FAM3C: variants seen among roughly 807,000 people sequenced by gnomAD.
FAM3C encodes FAM3 metabolism regulating signaling molecule C, also known as protein FAM3C.
In FAM3C, 15 loss-of-function variants were observed where a neutral mutation model predicts 32.5. The observed-to-expected ratio is 0.46, with a 90% confidence interval of 0.31 to 0.71. FAM3C has a LOEUF of 0.71. Ranked by LOEUF, FAM3C falls within the 30% of genes least tolerant of loss-of-function variation. The pLI is 0.05. For missense variants in FAM3C, 175 were observed against 274.4 expected, an observed-to-expected ratio of 0.64 and a Z score of 2.56; for synonymous variants, 75 against 86.1, an observed-to-expected ratio of 0.87 and a Z score of 0.72.
intron 7 of FAM3C, among the ~76,000 whole-genome samples, chr7:121,360,650 T>C (rs994082249): frequency 6.6e-6 from 1 of 151,978 alleles, no homozygotes; most frequent in Non-Finnish European, 1.5e-5. Flanking sequence ...CTGGGCAATA[T>C]AGTGAGACCT....
intron 7 of FAM3C, among the ~76,000 whole-genome samples, chr7:121,362,396 G>T (rs1793943077): frequency 6.6e-6 from 1 of 152,096 alleles, no homozygotes; most frequent in South Asian, 2.1e-4. Context: ...GGGTAGAACT[G>T]TGATGAATAA....
At chr7:121,388,535 T>C (rs1427227589) in intron 1 of FAM3C, among the ~76,000 whole-genome samples, 2 of 152,102 alleles carry the variant, frequency 1.3e-5, no homozygotes, top group African/African-American at 2.4e-5. Flanking sequence ...TTCTGCAAAG[T>C]GTCCCCCAAA....
chr7:121,355,595 G>A (rs933758530), intron 8 of FAM3C, among the ~76,000 whole-genome samples: 1 of 152,138 alleles, frequency 6.6e-6, no homozygotes, highest in African/African-American at 2.4e-5. Flanking sequence ...AGGTTTTCAG[G>A]CAGTAGATCA....
intron 5 of FAM3C, among the ~76,000 whole-genome samples, chr7:121,365,672 T>C (rs2707477): frequency 0.26 from 38,882 of 151,984 alleles, 5,963 homozygotes; most frequent in African/African-American, 0.44. Flanking sequence ...TATTAATAAT[T>C]ATAATAAATG....
intron 2 of FAM3C, 135 bp from the exon 3 acceptor site, chr7:121,379,149 TGA>T (rs976272821): frequency 5.4e-6 from 3 of 552,548 alleles, no homozygotes; most frequent in African/African-American, 4.1e-5. Flanking sequence ...TAATTTTACA[TGA>T]GATACATAAA....
chr7:121,357,189 C>G (rs542647692), intron 8 of FAM3C, among the ~76,000 whole-genome samples: 2 of 152,234 alleles, frequency 1.3e-5, no homozygotes, highest in East Asian at 3.9e-4. Flanking sequence ...GCAGGCTCAT[C>G]ATGATTAAGA....
rs145426430 is a variant in FAM3C, at chr7:121,389,751, C to G, written c.-42+6411G>C. Among the ~76,000 whole-genome samples, 1,108 of 149,152 alleles carry G rather than the reference C, an allele frequency of 7.4e-3. 11 individuals are homozygous for G. The highest frequency in any genetic ancestry group is 9.4e-3 in the Non-Finnish European group (634 of 67,554). On this transcript the variant is annotated intron_variant, in intron 1 of 9. Coordinates refer to ENST00000359943, the MANE Select transcript of FAM3C (RefSeq NM_014888.3). ...TTAATGAGGGCTGTGGACTCTCTAACAGGAAAGTGGCAAAAAAAAAAAAAG... is the reference window on the plus strand; with the variant it reads ...TTAATGAGGGCTGTGGACTCTCTAAGAGGAAAGTGGCAAAAAAAAAAAAAG...
rs1402209445 is a variant in FAM3C at position 121,351,258 on chromosome 7, T to G, written c.479A>C (p.Glu160Ala). ...CAAATCAGCAATGAGCCGCCGTGCC[T>G]CATCATTGAGTCTTGAAGAGGGAGA... Reference protein sequence around the residue: ...YDDGATKLNDEARRLIADLGS... With the variant: ...YDDGATKLNDAARRLIADLGS... The change falls in exon 9 of 10, where the codon GAG becomes GCG. Residue 160 changes from glutamate (E) to alanine (A), a missense_variant. Coordinates refer to ENST00000359943, the MANE Select transcript of FAM3C (RefSeq NM_014888.3). The G allele has an allele frequency of 5.0e-6, 8 of 1,613,294 alleles. No individual in the cohort carries two copies. The highest frequency in any genetic ancestry group is 6.8e-6 in the Non-Finnish European group (8 of 1,179,628).
intron 1 of FAM3C, among the ~76,000 whole-genome samples, chr7:121,395,797 AC>A (rs1482821041): frequency 6.6e-6 from 1 of 152,028 alleles, no homozygotes; most frequent in Non-Finnish European, 1.5e-5. Context: ...CTCAGCCTAC[AC>A]GCTGCAGGGG....
chr7:121,388,776 ATAGAAT>A (rs1470275226), intron 1 of FAM3C, among the ~76,000 whole-genome samples: 2 of 152,144 alleles, frequency 1.3e-5, no homozygotes, highest in African/African-American at 4.8e-5. Context: ...AGAAACAGAA[ATAGAAT>A]TAGAAGTATA....
intron 1 of FAM3C, among the ~76,000 whole-genome samples, chr7:121,394,293 G>A (rs1345018299): frequency 6.6e-6 from 1 of 151,964 alleles, no homozygotes; most frequent in Non-Finnish European, 1.5e-5. Flanking sequence ...TTAGCCTTTT[G>A]GCTGTCTTTT....
chr7:121,389,860 T>C (rs1169841803), intron 1 of FAM3C, among the ~76,000 whole-genome samples: 10 of 151,992 alleles, frequency 6.6e-5, no homozygotes, highest in African/African-American at 1.4e-4. Flanking sequence ...ACAAGGAGGA[T>C]AGAAATCAGA....
At chr7:121,351,026 T>A (rs1020990226) in intron 9 of FAM3C, 117 bp downstream of exon 9, 1 of 925,896 alleles carries the variant, frequency 1.1e-6, no homozygotes, top group Admixed American at 2.5e-5. Context: ...TTATGACAAA[T>A]ATATGATCAT....
At chr7:121,357,345 G>T (rs549037634) in intron 8 of FAM3C, among the ~76,000 whole-genome samples, 1 of 152,218 alleles carries the variant, frequency 6.6e-6, no homozygotes, top group African/African-American at 2.4e-5. Flanking sequence ...AGTATAAGTG[G>T]AAGAAAACGA....
intron 5 of FAM3C, among the ~76,000 whole-genome samples, chr7:121,370,541 A>T (rs1397493204): frequency 6.6e-6 from 1 of 152,222 alleles, no homozygotes; most frequent in African/African-American, 2.4e-5. Flanking sequence ...ATAGCATATT[A>T]AAAGCAACCA....
intron 7 of FAM3C, among the ~76,000 whole-genome samples, chr7:121,361,074 A>T (rs1793910684): frequency 6.6e-6 from 1 of 152,226 alleles, no homozygotes; most frequent in Non-Finnish European, 1.5e-5. Context: ...ATTGTAGCAA[A>T]TATTACAGTC....
rs182728289 is a variant in FAM3C at position 121,357,677 on chromosome 7, A to C, written c.467+2366T>G. ...TCAATTCATTTAAATTCACAGATGA[A>C]TCATATATTGACCAAGTGACCAAAC... On this transcript the variant is annotated intron_variant, in intron 8 of 9. Transcript: ENST00000359943. Among the ~76,000 whole-genome samples, 802 of 152,272 alleles carry C rather than the reference A, an allele frequency of 5.3e-3. 18 individuals are homozygous for C. The highest frequency in any genetic ancestry group is 1.7e-3 in the Non-Finnish European group (116 of 68,012).
chr7:121,350,345 T>A lies in FAM3C; in HGVS notation c.*116A>T. On this transcript the variant is annotated 3_prime_UTR_variant, in exon 10 of 10. Coordinates refer to ENST00000359943, the MANE Select transcript of FAM3C (RefSeq NM_014888.3). ...ATCCTGATATCAAAAGAGACAATAC[T>A]CATGCACACACCAAGATGGCTGCAT... is the stretch of plus-strand genomic sequence containing the variant. The A allele has an allele frequency of 9.1e-7, 1 of 1,098,956 alleles. No homozygotes were observed. The highest frequency in any genetic ancestry group is 1.4e-6 in the Non-Finnish European group (1 of 731,414). The allele number at this position is 1,098,956 out of a possible 1,614,324, so 68.1% of individuals were successfully genotyped here. A position where few individuals can be genotyped will look rare whatever the true frequency, so the allele number is the denominator to read the frequency against.
chr7:121,353,529 T>C (rs529226279), intron 8 of FAM3C, among the ~76,000 whole-genome samples: 1 of 152,202 alleles, frequency 6.6e-6, no homozygotes, highest in Non-Finnish European at 1.5e-5. Context: ...CCACTTGGAT[T>C]TGCGGAGGGC....
Sources: allele counts gnomAD v4.1 joint callset (sites outside exome capture counted in the v4.1 genomes callset), GRCh38; gene constraint gnomAD v4.1.1; transcripts MANE v1.5; gene names NCBI Gene and HGNC (gene_info 2026-07-23, HGNC 2026-07-21).